Variants in RTN4 observed in about 807,000 individuals in gnomAD.
The protein encoded by RTN4 is reticulon 4.
Under a neutral mutation model 90.4 loss-of-function variants are expected in RTN4, and 32 were observed. The ratio of observed to expected loss-of-function variants is 0.35; its 90% confidence interval spans 0.27 to 0.48. The LOEUF (loss-of-function observed/expected upper bound fraction) is 0.48. Ranked by LOEUF, RTN4 falls within the 20% of genes least tolerant of loss-of-function variation. The pLI is 0.99. For synonymous variants in RTN4, 629 were observed against 552.5 expected (o/e 1.14, Z -1.94); for missense variants, 1,706 against 1,430.2 (o/e 1.19, Z -3.11).
rs758399710 is a variant in RTN4 at position 54,982,500 on chromosome 2, G to A, written c.3360+15C>T. 14 of 1,600,608 alleles carry A rather than the reference G, an allele frequency of 8.7e-6. No individual in the cohort carries two copies. Among genetic ancestry groups the A allele is most frequent in the South Asian group, 1.1e-5 (1 of 88,124 alleles). On this transcript the variant is annotated intron_variant, in intron 5 of 8. Transcript: ENST00000337526. The stretch of plus-strand genomic sequence containing the variant: ...ATTCTGGGTATATCAAAAATGAAAG[G>A]CAAAATAAACTTACCTTCAGAGAAT...
Position 55,004,602 on chromosome 2 carries a change from G to C in RTN4, c.3014-16904C>G, listed in dbSNP as rs539006751. Among the ~76,000 whole-genome samples, 25 of 152,218 alleles carry C rather than the reference G, an allele frequency of 1.6e-4. No homozygotes were observed. The South Asian group carries it at 5.2e-3, about 32-fold the overall frequency. On this transcript the variant is annotated intron_variant, in intron 3 of 8. Coordinates refer to ENST00000337526, the MANE Select transcript of RTN4 (RefSeq NM_020532.5). Reference sequence around the variant, plus strand: ...ATCCTTTTTCTAATTGCTCCCACTTGAAATCATATTTTAAAATTTTCCAAA... The same window carrying C: ...ATCCTTTTTCTAATTGCTCCCACTTCAAATCATATTTTAAAATTTTCCAAA...
intron 3 of RTN4, among the ~76,000 whole-genome samples, chr2:55,022,896 AACACAC>A (rs150779063): frequency 1.6e-4 from 22 of 137,390 alleles, no homozygotes; most frequent in Non-Finnish European, 2.7e-4. Flanking sequence ...TTCAACATCC[AACACAC>A]ACACACACAC....
At chr2:55,027,597 T>C (rs1392769386) in intron 2 of RTN4, 112 bp from the exon 3 acceptor site, 3 of 1,085,122 alleles carry the variant, frequency 2.8e-6, no homozygotes, top group Non-Finnish European at 3.9e-6. Flanking sequence ...TTTACTAAAA[T>C]GAAATGTTAA....
At chr2:55,081,972 A>C (rs1030648450) in intron 1 of RTN4, among the ~76,000 whole-genome samples, 1 of 151,912 alleles carries the variant, frequency 6.6e-6, no homozygotes, top group Non-Finnish European at 1.5e-5. Context: ...GGCCTTACAT[A>C]CTTCTGCTTT....
chr2:55,126,580 A>G, the RTN4 span, among the ~76,000 whole-genome samples: 1 of 152,182 alleles, frequency 6.6e-6, no homozygotes, highest in Admixed American at 6.5e-5. Context: ...TGTTGGTGGG[A>G]TTATAAATTG....
At chr2:55,016,331 C>T (rs1000222311) in intron 3 of RTN4, among the ~76,000 whole-genome samples, 7 of 152,084 alleles carry the variant, frequency 4.6e-5, no homozygotes, top group Non-Finnish European at 7.4e-5. Flanking sequence ...GCCTTTAATC[C>T]CAGCACTTTG....
the RTN4 span, among the ~76,000 whole-genome samples, chr2:55,122,061 A>C: frequency 6.6e-6 from 1 of 151,322 alleles, no homozygotes; most frequent in Non-Finnish European, 1.5e-5. Context: ...GCAGTGGTGT[A>C]ATCTTGGCTC....
chr2:55,078,025 G>T (rs140496729), intron 2 of RTN4, among the ~76,000 whole-genome samples: 1 of 151,920 alleles, frequency 6.6e-6, no homozygotes, highest in African/African-American at 2.4e-5. Context: ...GGGGATTCAG[G>T]GGAAAGGGTG....
At chr2:55,019,348 G>A (rs553122135) in intron 3 of RTN4, among the ~76,000 whole-genome samples, 5 of 152,254 alleles carry the variant, frequency 3.3e-5, no homozygotes, top group African/African-American at 7.2e-5. Context: ...TTGGAGGGGC[G>A]AATTTTGATA....
At position 55,092,176 on chromosome 2, in the gene RTN4, T is replaced by C. The variant is rs191437430; in HGVS notation, c.-213-11537A>G. ...CTGCACTCCAGCCTGGGTGACAGAGTGAGACCATGACTTAAAAAAAAAAAA... is the reference window on the plus strand; with the variant it reads ...CTGCACTCCAGCCTGGGTGACAGAGCGAGACCATGACTTAAAAAAAAAAAA... On this transcript the variant is annotated intron_variant, in intron 1 of 3. Transcript: ENST00000427710. Among the ~76,000 whole-genome samples the C allele has an allele frequency of 1.3e-3, 130 of 103,018 alleles. 2 individuals are homozygous for C. In the East Asian group the frequency reaches 0.022, roughly 17 times the overall value. 67.6% of individuals were successfully genotyped at this position (103,018 alleles called of 152,430 possible). A position where few individuals can be genotyped will look rare whatever the true frequency, so the allele number is the denominator to read the frequency against.
At chr2:55,112,248 CTT>C (rs1240061814) in intron 1 of RTN4, among the ~76,000 whole-genome samples, 2 of 152,184 alleles carry the variant, frequency 1.3e-5, no homozygotes, top group Non-Finnish European at 2.9e-5. Context: ...TGACTGAACA[CTT>C]ATCATTTGCT....
At chr2:55,112,048 C>T (rs1326699655) in intron 1 of RTN4, among the ~76,000 whole-genome samples, 1 of 152,166 alleles carries the variant, frequency 6.6e-6, no homozygotes, top group Non-Finnish European at 1.5e-5. Context: ...TAGGCAATAC[C>T]TTCCTATTAA....
the RTN4 span, among the ~76,000 whole-genome samples, chr2:55,126,375 G>T: frequency 9.2e-6 from 1 of 108,460 alleles, no homozygotes; most frequent in African/African-American, 3.4e-5. Flanking sequence ...GTCTCAAAAA[G>T]AAAAAAAAAA....
intron 1 of RTN4, among the ~76,000 whole-genome samples, chr2:55,092,215 AG>A (rs1668951557): frequency 6.7e-6 from 1 of 149,310 alleles, no homozygotes; most frequent in African/African-American, 2.5e-5. Flanking sequence ...AGCTCAATGA[AG>A]GGAGAGATTT....
intron 1 of RTN4, among the ~76,000 whole-genome samples, chr2:55,096,251 G>A (rs968130786): frequency 4.6e-5 from 7 of 151,962 alleles, no homozygotes; most frequent in Non-Finnish European, 1.0e-4. Context: ...GCTTGAACCC[G>A]GGAGGCGGAG....
the RTN4 span, among the ~76,000 whole-genome samples, chr2:55,128,959 T>C: frequency 1.3e-5 from 2 of 151,194 alleles, no homozygotes; most frequent in African/African-American, 4.9e-5. Context: ...ATACAAAAAA[T>C]TAGCCAGGCG....
At chr2:55,015,307 G>C (rs981250357) in intron 3 of RTN4, among the ~76,000 whole-genome samples, 3 of 152,080 alleles carry the variant, frequency 2.0e-5, no homozygotes, top group African/African-American at 7.2e-5. Context: ...AAAATACGTG[G>C]GGCAAAATAA....
intron 5 of RTN4, among the ~76,000 whole-genome samples, chr2:54,979,786 G>C (rs1256234968): frequency 2.0e-5 from 3 of 152,138 alleles, no homozygotes; most frequent in Non-Finnish European, 4.4e-5. Flanking sequence ...TAAATGCCAG[G>C]TTCACTTTAA....
chr2:55,083,215 G>A (rs1427359842), intron 1 of RTN4, among the ~76,000 whole-genome samples: 1 of 152,204 alleles, frequency 6.6e-6, no homozygotes, highest in Non-Finnish European at 1.5e-5. Context: ...AGGATGTGGG[G>A]CTGGGTGTGG....
Sources: gnomAD v4.1 joint callset for allele counts (sites outside exome capture counted in the v4.1 genomes callset) on GRCh38, gnomAD v4.1.1 for gene constraint, MANE v1.5 for transcripts, NCBI Gene and HGNC (gene_info 2026-07-23, HGNC 2026-07-21) for gene names.